The following GALNT13 variants were observed in gnomAD, a reference collection of about 807,000 sequenced individuals.
The protein encoded by GALNT13 is polypeptide N-acetylgalactosaminyltransferase 13.
A neutral mutation model predicts 64.2 loss-of-function variants in GALNT13; 28 were observed. The ratio of observed to expected loss-of-function variants is 0.44; its 90% CI spans 0.32 to 0.60. GALNT13 has a LOEUF of 0.60. Among genes scored for constraint, GALNT13 ranks in the 20% least tolerant of loss-of-function variants. The pLI, the probability that GALNT13 is intolerant of heterozygous loss-of-function variation, is 0.05. For missense variants in GALNT13, 577 were observed against 669.8 expected, an observed-to-expected ratio of 0.86 and a Z score of 1.53; for synonymous variants, 214 against 224.6, an observed-to-expected ratio of 0.95 and a Z score of 0.42.
chr2:154,037,948 G>A (rs1698758800), intron 3 of GALNT13, among the ~76,000 whole-genome samples: 1 of 152,080 alleles, frequency 6.6e-6, no homozygotes, highest in African/African-American at 2.4e-5. Flanking sequence ...GAGCCTGGGA[G>A]TTCAAGACCC....
intron 4 of GALNT13, among the ~76,000 whole-genome samples, chr2:154,142,871 T>C (rs769302407): frequency 2.6e-5 from 4 of 152,016 alleles, no homozygotes; most frequent in African/African-American, 4.8e-5. Flanking sequence ...TGTATATAGA[T>C]ACATTTAAAA....
the GALNT13 span, among the ~76,000 whole-genome samples, chr2:153,669,151 C>A: frequency 6.6e-6 from 1 of 152,200 alleles, no homozygotes; most frequent in Admixed American, 6.5e-5. Flanking sequence ...AGAGCTCCGG[C>A]AGAGTGGCCC....
chr2:153,457,394 G>A, the GALNT13 span, among the ~76,000 whole-genome samples: 4 of 152,136 alleles, frequency 2.6e-5, no homozygotes, highest in South Asian at 8.3e-4. Flanking sequence ...TATATCATCC[G>A]TTCTCTTTAT....
At chr2:154,407,221 C>T (rs756847709) in intron 10 of GALNT13, among the ~76,000 whole-genome samples, 1 of 152,066 alleles carries the variant, frequency 6.6e-6, no homozygotes, top group Non-Finnish European at 1.5e-5. Context: ...GATTGCATAC[C>T]TTACATCTAA....
the GALNT13 span, among the ~76,000 whole-genome samples, chr2:153,139,433 A>G: frequency 1.3e-5 from 2 of 152,022 alleles, no homozygotes; most frequent in African/African-American, 2.4e-5. Context: ...GTAGAGCATG[A>G]TAAGATTTAT....
the GALNT13 span, among the ~76,000 whole-genome samples, chr2:153,252,260 A>G: frequency 0.78 from 85,961 of 109,670 alleles, 34,758 homozygotes; most frequent in African/African-American, 0.89. Context: ...TTGGCTGCAT[A>G]AATGTCTTCT....
intron 7 of GALNT13, among the ~76,000 whole-genome samples, chr2:154,258,157 C>G (rs1217972366): frequency 6.6e-6 from 1 of 152,078 alleles, no homozygotes; most frequent in African/African-American, 2.4e-5. Flanking sequence ...TCTTTTTAAC[C>G]TTTAATTTGC....
At chr2:153,600,958 C>T in the GALNT13 span, among the ~76,000 whole-genome samples, 7 of 151,910 alleles carry the variant, frequency 4.6e-5, no homozygotes, top group African/African-American at 1.7e-4. Flanking sequence ...CAGAGAGGCA[C>T]ATCCTAACTC....
chr2:153,222,315 G>GGGGC, the GALNT13 span, among the ~76,000 whole-genome samples: 10 of 141,256 alleles, frequency 7.1e-5, no homozygotes, highest in South Asian at 2.3e-4. Context: ...GCTGGGGGGG[G>GGGGC]GGGGGGGGGG....
At chr2:154,291,127 C>T (rs536212515) in intron 8 of GALNT13, among the ~76,000 whole-genome samples, 1 of 152,130 alleles carries the variant, frequency 6.6e-6, no homozygotes, top group African/African-American at 2.4e-5. Context: ...GCTTGGGTGG[C>T]CTTTTATTCC....
intron 3 of GALNT13, among the ~76,000 whole-genome samples, chr2:154,037,384 G>A (rs1360251427): frequency 2.6e-5 from 4 of 152,052 alleles, no homozygotes; most frequent in African/African-American, 9.7e-5. Context: ...CAAACCCAAA[G>A]CTAACATGGG....
chr2:154,199,670 G>T lies in GALNT13; in HGVS notation c.312-42360G>T, dbSNP rs185871902. Among the ~76,000 whole-genome samples the T allele has an allele frequency of 3.6e-3, 553 of 151,684 alleles. 5 individuals are homozygous for T. Among genetic ancestry groups the T allele is most frequent in the Non-Finnish European group, 6.1e-3 (416 of 67,884 alleles). On this transcript the variant is annotated intron_variant, in intron 4 of 12. Coordinates refer to ENST00000392825, the MANE Select transcript of GALNT13 (RefSeq NM_052917.4). Reference sequence around the variant, plus strand: ...TGTATGTATTAGAATTTATCTATTAGTAAAAAAACAGTCTTATAATTATGT... The same window carrying T: ...TGTATGTATTAGAATTTATCTATTATTAAAAAAACAGTCTTATAATTATGT...
At chr2:153,633,004 A>C in the GALNT13 span, among the ~76,000 whole-genome samples, 1 of 151,490 alleles carries the variant, frequency 6.6e-6, no homozygotes, top group Non-Finnish European at 1.5e-5. Context: ...CAATTAATCC[A>C]CCCGCTTCGG....
At chr2:154,025,336 A>C (rs909452656) in intron 3 of GALNT13, among the ~76,000 whole-genome samples, 7 of 152,196 alleles carry the variant, frequency 4.6e-5, no homozygotes, top group Non-Finnish European at 8.8e-5. Flanking sequence ...ATGTTTATCA[A>C]AAAATAAATA....
At chr2:153,549,420 C>T in the GALNT13 span, among the ~76,000 whole-genome samples, 1 of 152,176 alleles carries the variant, frequency 6.6e-6, no homozygotes, top group Non-Finnish European at 1.5e-5. Context: ...TGTGATTCCT[C>T]ACCTCAAGAG....
the GALNT13 span, among the ~76,000 whole-genome samples, chr2:153,384,467 A>T: frequency 0.56 from 84,917 of 151,810 alleles, 24,708 homozygotes; most frequent in African/African-American, 0.65. Flanking sequence ...TTAATGGGAC[A>T]GCAGGAGACT....
At chr2:153,764,616 T>G in the GALNT13 span, among the ~76,000 whole-genome samples, 3 of 152,200 alleles carry the variant, frequency 2.0e-5, no homozygotes, top group Non-Finnish European at 4.4e-5. Flanking sequence ...AACCCCATTT[T>G]CAGGGGAGAA....
the GALNT13 span, among the ~76,000 whole-genome samples, chr2:153,317,950 T>C: frequency 6.6e-6 from 1 of 152,100 alleles, no homozygotes; most frequent in Non-Finnish European, 1.5e-5. Flanking sequence ...AATCCCTGGT[T>C]GACAAATTTG....
intron 8 of GALNT13, among the ~76,000 whole-genome samples, chr2:154,274,345 T>C (rs529165256): frequency 8.5e-4 from 130 of 152,240 alleles, no homozygotes; most frequent in African/African-American, 3.1e-3. Context: ...GTATATGTAG[T>C]CTTGTGAAAA....
Sources: allele counts gnomAD v4.1 joint callset (sites outside exome capture counted in the v4.1 genomes callset), GRCh38; gene constraint gnomAD v4.1.1; transcripts MANE v1.5; gene names NCBI Gene and HGNC (gene_info 2026-07-23, HGNC 2026-07-21).